TFAP4: variants seen among roughly 807,000 people sequenced by gnomAD.
The protein encoded by TFAP4 is transcription factor AP-4.
A neutral mutation model predicts 40.4 loss-of-function variants in TFAP4; 7 were observed. The observed-to-expected ratio is 0.17, with a 90% CI of 0.10 to 0.33. The LOEUF is 0.33. Ranked by LOEUF, TFAP4 falls within the 10% of genes least tolerant of loss-of-function variation. The pLI, the probability that TFAP4 is intolerant of heterozygous loss-of-function variation, is 1.00. For missense variants in TFAP4, 374 were observed against 451.1 expected, an observed-to-expected ratio of 0.83 and a Z score of 1.55; for synonymous variants, 218 against 181.4, an observed-to-expected ratio of 1.20 and a Z score of -1.62.
At chr16:4,261,517 G>T (rs546318536) in intron 4 of TFAP4, among the ~76,000 whole-genome samples, 39 of 151,526 alleles carry the variant, frequency 2.6e-4, no homozygotes, top group Middle Eastern at 3.4e-3. Flanking sequence ...TCGATCTGCT[G>T]ACCTCAGGTG....
At chr16:4,261,664 G>C in intron 4 of TFAP4, 115 bp downstream of exon 4, 3 of 1,234,154 alleles carry the variant, frequency 2.4e-6, no homozygotes, top group Non-Finnish European at 3.3e-6. Context: ...GCCTGGCACC[G>C]CAGTAGGTGC....
rs2053053498 is a variant in TFAP4, at chr16:4,272,984, G to A, written c.-238C>T. On this transcript the variant is annotated 5_prime_UTR_variant, in exon 1 of 7. Coordinates refer to ENST00000204517, the MANE Select transcript of TFAP4 (RefSeq NM_003223.3). Reference sequence around the variant, plus strand: ...TGTGTGTGTGTGTGTGTGTGTGTGTGTGTGTGTGTGTGTGTGTGTTTGCAG... The same window carrying A: ...TGTGTGTGTGTGTGTGTGTGTGTGTATGTGTGTGTGTGTGTGTGTTTGCAG... The A allele has an allele frequency of 4.0e-6, 2 of 495,994 alleles. No homozygotes were observed. Among genetic ancestry groups the A allele is most frequent in the South Asian group, 2.9e-5 (1 of 34,544 alleles). 30.7% of individuals were successfully genotyped at this position (495,994 alleles called of 1,614,324 possible).
Position 4,272,676 on chromosome 16 carries a change from A to T in TFAP4, c.71T>A (p.Val24Glu). Residue 24 changes from valine to glutamate, a missense_variant, in exon 1 of 7, where the codon GTG becomes GAG. Val to Glu is a moderately radical substitution (Grantham distance 121). Around this residue, in one of 6 missense-constraint regions of TFAP4, gnomAD observed 51 missense variants for 59.3 expected, o/e 0.86. Transcript: ENST00000204517. ...TACACACCTACAGAGCCCTCCTATCACTTCTTTCTCTGTTTTCCTGAAATG... is the reference window on the plus strand; with the variant it reads ...TACACACCTACAGAGCCCTCCTATCTCTTCTTTCTCTGTTTTCCTGAAATG... ...LQHFRKTEKE[V>E]IGGLCSLANI... 3.7e-6 allele frequency: 6 copies of T among 1,612,594 alleles called. No individual in the cohort carries two copies. Among genetic ancestry groups the T allele is most frequent in the Non-Finnish European group, 5.1e-6 (6 of 1,179,262 alleles).
At chr16:4,263,382 G>A (rs1202285078) in intron 1 of TFAP4, 1 of 152,286 alleles carries the variant, frequency 6.6e-6, no homozygotes, top group Non-Finnish European at 1.5e-5. Flanking sequence ...GCGGGATGCA[G>A]ACGACATTCA....
chr16:4,268,941 G>A (rs1021697607), intron 1 of TFAP4, among the ~76,000 whole-genome samples: 4 of 152,004 alleles, frequency 2.6e-5, no homozygotes, highest in South Asian at 2.1e-4. Flanking sequence ...AGGCTAGAGT[G>A]CAGTGCTATG....
chr16:4,262,878 G>C, intron 1 of TFAP4, 177 bp from the exon 2 acceptor site: 1 of 692,342 alleles, frequency 1.4e-6, no homozygotes, highest in Non-Finnish European at 2.4e-6. Context: ...CTGGCTGCGG[G>C]TAAGATAGTC....
chr16:4,260,713 A>G (rs903107493), intron 4 of TFAP4, 118 bp from the exon 5 acceptor site: 1 of 1,196,994 alleles, frequency 8.4e-7, no homozygotes, highest in Non-Finnish European at 1.1e-6. Context: ...GCCCCTCTCA[A>G]CAGAGGCCAG....
chr16:4,272,590 G>T, intron 1 of TFAP4, 68 bp downstream of exon 1: 1 of 1,323,274 alleles, frequency 7.6e-7, no homozygotes, highest in South Asian at 1.4e-5. Flanking sequence ...GCACACGCGC[G>T]CCCGCCCGGG....
Position 4,258,217 on chromosome 16 carries a change from C to T in TFAP4, c.855G>A (p.Lys285=). The T allele has an allele frequency of 6.2e-7, 1 of 1,607,068 alleles. No homozygotes were observed. Among genetic ancestry groups the T allele is most frequent in the Non-Finnish European group, 8.5e-7 (1 of 1,174,920 alleles). The change falls in exon 7 of 7, where the codon AAG becomes AAA. Residue 285 remains lysine, a synonymous_variant. Transcript: ENST00000204517. Reference sequence around the variant, plus strand: ...GCCGCTGCTCCTCCTCCAGCTCCTGCTTTTCCTGGGTGCCCTCGATGTGCT... The same window carrying T: ...GCCGCTGCTCCTCCTCCAGCTCCTGTTTTTCCTGGGTGCCCTCGATGTGCT... ...AIQHIEGTQE[K]QELEEEQRRA...
At chr16:4,270,898 T>C (rs2053035209) in intron 1 of TFAP4, among the ~76,000 whole-genome samples, 1 of 152,188 alleles carries the variant, frequency 6.6e-6, no homozygotes, top group Non-Finnish European at 1.5e-5. Context: ...CAAGTTCCAG[T>C]TCCACCACCT....
At position 4,272,904 on chromosome 16, in the gene TFAP4, CGGGAGGGGCGGGA is replaced by C; in HGVS notation, c.-171_-159del. ...GCGGCGGCGAGGGGAGGGAGGCGGG[CGGGAGGGGCGGGA>C]GGGAGGTCTCTCCGGCCTGCCTCCC... is the stretch of plus-strand genomic sequence containing the variant. On this transcript the variant is annotated 5_prime_UTR_variant, in exon 1 of 7. Transcript: ENST00000204517. 1.6e-4 allele frequency: 1 copy of C among 6,142 alleles called. No homozygotes were observed. The highest frequency in any genetic ancestry group is 1.6e-3 in the South Asian group (1 of 614). 0.4% of individuals were successfully genotyped at this position (6,142 alleles called of 1,614,324 possible).
chr16:4,263,170 TCAA>T (rs979027223), intron 1 of TFAP4: 20 of 159,186 alleles, frequency 1.3e-4, no homozygotes, highest in South Asian at 1.8e-4. Flanking sequence ...AGACCTTGTC[TCAA>T]CAACAACAAC....
intron 1 of TFAP4, chr16:4,266,735 G>A (rs758827671): frequency 6.6e-5 from 10 of 152,174 alleles, no homozygotes; most frequent in Non-Finnish European, 7.3e-5. Context: ...AGCTCTTTCT[G>A]GGGTTTTGCA....
At chr16:4,268,851 C>G (rs1046766319) in intron 1 of TFAP4, among the ~76,000 whole-genome samples, 1 of 148,420 alleles carries the variant, frequency 6.7e-6, no homozygotes, top group South Asian at 2.2e-4. Flanking sequence ...GCCTTGGTCT[C>G]CCAAAGTGCT....
intron 1 of TFAP4, among the ~76,000 whole-genome samples, chr16:4,268,939 G>C (rs1029433079): frequency 7.9e-5 from 12 of 152,024 alleles, no homozygotes; most frequent in African/African-American, 2.9e-4. Context: ...CCAGGCTAGA[G>C]TGCAGTGCTA....
In TFAP4 at chr16:4,257,394, CAAACA is replaced by C. The variant is rs1367459732; in HGVS notation, c.*656_*660del. 7.6e-6 allele frequency: 1 copy of C among 131,284 alleles called. No homozygotes were observed. The highest frequency in any genetic ancestry group is 1.6e-5 in the Non-Finnish European group (1 of 61,208). 8.1% of individuals were successfully genotyped at this position (131,284 alleles called of 1,614,324 possible). On this transcript the variant is annotated 3_prime_UTR_variant, in exon 7 of 7. Coordinates refer to ENST00000204517, the MANE Select transcript of TFAP4 (RefSeq NM_003223.3). ...CCAAAAAGAAATAAAAAACCAACAACAAACAAAACAAAAAGAGAGAGACAGACATT... is the reference window on the plus strand; with the variant it reads ...CCAAAAAGAAATAAAAAACCAACAACAAACAAAAAGAGAGAGACAGACATT...
At chr16:4,261,628 G>A in intron 4 of TFAP4, 151 bp downstream of exon 4, 1 of 847,734 alleles carries the variant, frequency 1.2e-6, no homozygotes. Flanking sequence ...GGGCAGAGAC[G>A]TGTCTGGCTT....
In TFAP4 at chr16:4,262,594, G is replaced by T; in HGVS notation, c.197C>A (p.Ala66Glu). 1 of 1,612,326 alleles carries T rather than the reference G, an allele frequency of 6.2e-7. No individual in the cohort carries two copies. The highest frequency in any genetic ancestry group is 8.5e-7 in the Non-Finnish European group (1 of 1,180,020). ...GAGGGTCTTGAGGGACTGGAATCCC[G>T]CGTTGATGCTCTGCATGCGTCTCCG... is the stretch of plus-strand genomic sequence containing the variant. ...NERRRMQSIN[A>E]GFQSLKTLIP... Residue 66 changes from alanine (A) to glutamate (E), a missense_variant, in exon 2 of 7, where the codon GCG becomes GAG. By Grantham distance (107) the Ala-to-Glu change is moderately radical. This residue lies in a region of TFAP4 where 9 missense variants were observed against 38.6 expected (regional missense o/e 0.23). Transcript: ENST00000204517.
In TFAP4 at chr16:4,258,002, G is replaced by A. The variant is rs2052910496; in HGVS notation, c.*53C>T. The A allele has an allele frequency of 1.3e-6, 2 of 1,549,216 alleles. No homozygotes were observed. The highest frequency in any genetic ancestry group is 1.7e-6 in the Non-Finnish European group (2 of 1,143,834). On this transcript the variant is annotated 3_prime_UTR_variant, in exon 7 of 7. Coordinates refer to ENST00000204517, the MANE Select transcript of TFAP4 (RefSeq NM_003223.3). ...TCATTCGCCCATGTCTCTCCCTGTG[G>A]CTGCCCCGGCTCCCTCCAGCCCCCA... is the stretch of plus-strand genomic sequence containing the variant.
Sources: gnomAD v4.1 joint callset for allele counts (sites outside exome capture counted in the v4.1 genomes callset) on GRCh38, gnomAD v4.1.1 for gene constraint, gnomAD v4.1.1 regional missense constraint, MANE v1.5 for transcripts, NCBI Gene and HGNC (gene_info 2026-07-23, HGNC 2026-07-21) for gene names.